The following PLS1 variants were observed in gnomAD, a reference collection of about 807,000 sequenced individuals.
PLS1 encodes plastin-1.
PLS1 carries 32 observed loss-of-function variants against 73.7 expected under a neutral mutation model. That is an observed-to-expected ratio of 0.43 (90% CI 0.33 to 0.58). The LOEUF (loss-of-function observed/expected upper bound fraction) is 0.58, where lower values mean the gene tolerates loss of function less well. PLS1 is among the 20% of genes least tolerant of loss of function. The pLI is 0.04. For missense variants in PLS1, 633 were observed against 740.5 expected, an observed-to-expected ratio of 0.85 and a Z score of 1.68; for synonymous variants, 217 against 261.3, an observed-to-expected ratio of 0.83 and a Z score of 1.63.
chr3:142,654,024 G>A (rs1296039223), intron 1 of PLS1, among the ~76,000 whole-genome samples: 1 of 152,154 alleles, frequency 6.6e-6, no homozygotes, highest in Non-Finnish European at 1.5e-5. Flanking sequence ...CTTACTAGGG[G>A]CCACATGTTG....
At chr3:142,620,862 AC>A (rs766274129) in intron 1 of PLS1, among the ~76,000 whole-genome samples, 8 of 152,126 alleles carry the variant, frequency 5.3e-5, no homozygotes, top group Non-Finnish European at 8.8e-5. Context: ...TTCTAAAAAT[AC>A]AAAAATTAGC....
chr3:142,665,845 C>G (rs2037469998), intron 2 of PLS1, among the ~76,000 whole-genome samples: 1 of 150,996 alleles, frequency 6.6e-6, no homozygotes, highest in Non-Finnish European at 1.5e-5. Flanking sequence ...GGCTGACTTT[C>G]AATAGATTGT....
intron 10 of PLS1, among the ~76,000 whole-genome samples, chr3:142,691,935 A>G (rs7650047): frequency 6.6e-6 from 1 of 151,908 alleles, no homozygotes; most frequent in African/African-American, 2.4e-5. Context: ...TTCATTTATG[A>G]TTACAGAAGG....
rs567498503 is a variant in PLS1, at chr3:142,611,700, T to G, written c.-37+15191T>G. On this transcript the variant is annotated intron_variant, in intron 1 of 15. Transcript: ENST00000457734. ...AGTGTTATATAGTATGTACATACTA[T>G]ATACATAAGCGCACACACATATTGC... Among the ~76,000 whole-genome samples the G allele has an allele frequency of 3.9e-5, 6 of 152,318 alleles. No individual in the cohort carries two copies. The South Asian group carries it at 1.2e-3, about 32-fold the overall frequency.
At chr3:142,603,131 CTT>C (rs1411190514) in intron 1 of PLS1, among the ~76,000 whole-genome samples, 2 of 152,198 alleles carry the variant, frequency 1.3e-5, no homozygotes, top group African/African-American at 4.8e-5. Context: ...TTGCTGGAAA[CTT>C]TGCTGACATG....
At chr3:142,627,519 G>A (rs1217076692) in intron 1 of PLS1, among the ~76,000 whole-genome samples, 1 of 152,120 alleles carries the variant, frequency 6.6e-6, no homozygotes, top group Non-Finnish European at 1.5e-5. Flanking sequence ...CATGTTTGAA[G>A]TATCTGCTAT....
intron 1 of PLS1, among the ~76,000 whole-genome samples, chr3:142,647,543 C>T (rs1187360758): frequency 2.1e-5 from 3 of 145,088 alleles, no homozygotes; most frequent in African/African-American, 7.8e-5. Context: ...CGCACTGTTG[C>T]CCTGGCTGGA....
At chr3:142,669,219 A>G (rs1488855977) in intron 2 of PLS1, among the ~76,000 whole-genome samples, 171 bp from the exon 3 acceptor site, 2 of 152,158 alleles carry the variant, frequency 1.3e-5, no homozygotes, top group African/African-American at 4.8e-5. Context: ...TTTTTAAAAT[A>G]AAGCATATAG....
chr3:142,704,895 T>C (rs1370580475), intron 14 of PLS1, among the ~76,000 whole-genome samples: 6 of 151,138 alleles, frequency 4.0e-5, no homozygotes, highest in African/African-American at 1.5e-4. Flanking sequence ...CCTGACCTCG[T>C]GATCCGCCCG....
intron 1 of PLS1, among the ~76,000 whole-genome samples, chr3:142,650,713 G>C (rs1270085460): frequency 6.6e-6 from 1 of 152,164 alleles, no homozygotes; most frequent in Non-Finnish European, 1.5e-5. Context: ...AAGGGAAATA[G>C]TTTCTGAAGG....
In PLS1 at chr3:142,607,423, T is replaced by G. The variant is rs182342754; in HGVS notation, c.-37+10914T>G. On this transcript the variant is annotated intron_variant, in intron 1 of 15. Coordinates refer to ENST00000457734, the MANE Select transcript of PLS1 (RefSeq NM_001145319.2). ...GCCTCCTGAGTGGCTGGTACAGGCA[T>G]GTGCCACCACGCCCAGCTAATTTTT... Among the ~76,000 whole-genome samples, 11 of 152,284 alleles carry G rather than the reference T, an allele frequency of 7.2e-5. No homozygotes were observed. In the East Asian group the frequency reaches 2.1e-3, roughly 29 times the overall value.
intron 1 of PLS1, among the ~76,000 whole-genome samples, chr3:142,651,428 C>T (rs1016255291): frequency 3.6e-5 from 5 of 138,850 alleles, no homozygotes; most frequent in African/African-American, 1.1e-4. Context: ...TGCCATTGCA[C>T]TCCGGCCTGG....
intron 1 of PLS1, among the ~76,000 whole-genome samples, chr3:142,616,967 C>T (rs1402595284): frequency 6.6e-6 from 1 of 152,198 alleles, no homozygotes; most frequent in African/African-American, 2.4e-5. Context: ...TGCTTTGTAA[C>T]CTTGAGTAGG....
At chr3:142,676,378 TC>T (rs1279926563) in intron 5 of PLS1, 89 bp downstream of exon 5, 1 of 1,185,228 alleles carries the variant, frequency 8.4e-7, no homozygotes, top group African/African-American at 1.5e-5. Flanking sequence ...CTGTCCATTG[TC>T]TTTTGGAGTC....
At chr3:142,641,816 G>A (rs1261514864) in intron 1 of PLS1, among the ~76,000 whole-genome samples, 9 of 151,876 alleles carry the variant, frequency 5.9e-5, no homozygotes, top group Admixed American at 5.9e-4. Context: ...TGACACCTAG[G>A]GCAGCTTTGG....
intron 8 of PLS1, among the ~76,000 whole-genome samples, chr3:142,685,497 A>T (rs1229819239): frequency 6.6e-6 from 1 of 152,208 alleles, no homozygotes; most frequent in Non-Finnish European, 1.5e-5. Context: ...TAACTCGATT[A>T]CATTCAGCTG....
chr3:142,631,664 GAAAAAAAA>G (rs71153981), intron 1 of PLS1, among the ~76,000 whole-genome samples: 3 of 39,428 alleles, frequency 7.6e-5, no homozygotes, highest in African/African-American at 2.0e-4. Context: ...CCTGTCTCTA[GAAAAAAAA>G]AAAAAAAAAA....
chr3:142,697,854 A>G (rs1223414623), intron 11 of PLS1, 99 bp from the exon 12 acceptor site: 1 of 641,970 alleles, frequency 1.6e-6, no homozygotes, highest in Non-Finnish European at 2.8e-6. Context: ...TAAATGACTT[A>G]TGTTCTTAAA....
rs1457017154 is a variant in PLS1, at chr3:142,678,959, G to A, written c.579+846G>A. 5.9e-5 allele frequency among the ~76,000 whole-genome samples: 9 copies of A among 152,172 alleles called. No individual in the cohort carries two copies. In the South Asian group the frequency reaches 8.3e-4, roughly 14 times the overall value. The stretch of plus-strand genomic sequence containing the variant: ...GTTGTTTCCTGACTTTTTAATGATC[G>A]CCATTCTAACTGGTGTAAGATGGTA... On this transcript the variant is annotated intron_variant, in intron 6 of 15. Transcript: ENST00000457734.
Sources: allele counts gnomAD v4.1 joint callset (sites outside exome capture counted in the v4.1 genomes callset), GRCh38; gene constraint gnomAD v4.1.1; transcripts MANE v1.5; gene names NCBI Gene and HGNC (gene_info 2026-07-23, HGNC 2026-07-21).